The following SYNC variants were observed in gnomAD, a reference collection of about 807,000 sequenced individuals.
SYNC encodes the protein syncoilin.
Under a neutral mutation model 49.5 loss-of-function variants are expected in SYNC, and 38 were observed. That is an observed-to-expected ratio of 0.77 (90% CI 0.59 to 1.01). SYNC has a LOEUF of 1.01. SYNC is among the 50% of genes least tolerant of loss of function. The probability of loss-of-function intolerance (pLI) is 0.00; values close to 1 mark genes in which losing one functional copy is unlikely to be tolerated. For missense variants in SYNC, 579 were observed against 580.6 expected (o/e 1.00, Z 0.03); for synonymous variants, 201 against 230.8 (o/e 0.87, Z 1.17).
In SYNC at chr1:32,684,364, C is replaced by G; in HGVS notation, c.1252G>C (p.Glu418Gln). ...QQYREQLEEM[E>Q]ERQRQLRNGV... ...TTTCTTAACTGCCTCTGGCGTTCTT[C>G]CATTTCCTCCAGCTGTTCCTGCATG... Residue 418 changes from glutamate to glutamine, a missense_variant, in exon 3 of 5, where the codon GAA becomes CAA. Physicochemically the swap from Glu to Gln is conservative, Grantham distance 29. Coordinates refer to ENST00000409190, the MANE Select transcript of SYNC (RefSeq NM_030786.3). The G allele has an allele frequency of 6.2e-7, 1 of 1,614,164 alleles. No individual in the cohort carries two copies. Among genetic ancestry groups the G allele is most frequent in the Non-Finnish European group, 8.5e-7 (1 of 1,180,042 alleles).
rs1178939457 is a variant in SYNC at position 32,695,600 on chromosome 1, G to A, written c.498C>T (p.Asn166=). The A allele has an allele frequency of 1.1e-5, 17 of 1,551,328 alleles. No individual in the cohort carries two copies. Among genetic ancestry groups the A allele is most frequent in the Non-Finnish European group, 1.5e-5 (17 of 1,146,968 alleles). ...RAEQSPSMEE[N]LSIEDLELLE... ...GCAATTCCAGGTCCTCTATGCTCAGGTTCTCCTCCATGCTGGGGCTCTGCT... is the reference window on the plus strand; with the variant it reads ...GCAATTCCAGGTCCTCTATGCTCAGATTCTCCTCCATGCTGGGGCTCTGCT... Residue 166 remains asparagine (N), a synonymous_variant, in exon 2 of 5, where the codon AAC becomes AAT. Coordinates refer to ENST00000409190, the MANE Select transcript of SYNC (RefSeq NM_030786.3).
chr1:32,684,534 AAAG>A (rs1440484804), intron 2 of SYNC, 152 bp from the exon 3 acceptor site: 3 of 1,162,772 alleles, frequency 2.6e-6, no homozygotes, highest in Non-Finnish European at 3.5e-6. Flanking sequence ...AAACAGGTTC[AAAG>A]AAGTTGTGTC....
At chr1:32,686,500 C>G (rs1034777769) in intron 2 of SYNC, among the ~76,000 whole-genome samples, 2 of 152,216 alleles carry the variant, frequency 1.3e-5, no homozygotes, top group East Asian at 3.8e-4. Context: ...AGAAAGGATA[C>G]ATTCCCCAAC....
chr1:32,692,036 T>C (rs1353570433), intron 2 of SYNC, among the ~76,000 whole-genome samples: 1 of 151,980 alleles, frequency 6.6e-6, no homozygotes, highest in Non-Finnish European at 1.5e-5. Flanking sequence ...ATGGAGACCA[T>C]CCTGGCTAAC....
chr1:32,690,152 G>A (rs966857223), intron 2 of SYNC, among the ~76,000 whole-genome samples: 5 of 152,112 alleles, frequency 3.3e-5, no homozygotes, highest in Non-Finnish European at 7.4e-5. Flanking sequence ...GCTGAGGCAG[G>A]AAGACCAAGA....
At chr1:32,692,376 C>A (rs1431224982) in intron 2 of SYNC, among the ~76,000 whole-genome samples, 1 of 152,134 alleles carries the variant, frequency 6.6e-6, no homozygotes, top group Non-Finnish European at 1.5e-5. Context: ...AGTATTGATG[C>A]TAAATAAATG....
chr1:32,694,713 G>T (rs1650321228), intron 2 of SYNC, 152 bp downstream of exon 2: 7 of 725,386 alleles, frequency 9.7e-6, no homozygotes, highest in Admixed American at 7.2e-5. Flanking sequence ...GGGCCTGAAT[G>T]AATGAAGAAT....
At chr1:32,682,318 G>C (rs1212183005) in intron 4 of SYNC, 1 of 157,176 alleles carries the variant, frequency 6.4e-6, no homozygotes, top group African/African-American at 2.4e-5. Context: ...CTACTTAGCA[G>C]GCTGAGGCAG....
intron 2 of SYNC, among the ~76,000 whole-genome samples, chr1:32,692,279 C>T (rs1650204926): frequency 6.6e-6 from 1 of 152,106 alleles, no homozygotes; most frequent in African/African-American, 2.4e-5. Context: ...GCCCTTTTAC[C>T]TGCACCTCTC....
chr1:32,684,207 C>T (rs764912299), intron 3 of SYNC, 51 bp downstream of exon 3: 4 of 1,609,558 alleles, frequency 2.5e-6, no homozygotes, highest in Non-Finnish European at 3.4e-6. Context: ...AGCCCTCCCA[C>T]CATCCCCTCA....
At chr1:32,701,541 G>C (rs917930971) in intron 1 of SYNC, among the ~76,000 whole-genome samples, 1 of 152,170 alleles carries the variant, frequency 6.6e-6, no homozygotes, top group Admixed American at 6.5e-5. Flanking sequence ...GTAAAACCCA[G>C]GCCTCCTGAC....
At chr1:32,690,841 C>G (rs1650124661) in intron 2 of SYNC, among the ~76,000 whole-genome samples, 1 of 151,818 alleles carries the variant, frequency 6.6e-6, no homozygotes, top group South Asian at 2.1e-4. Flanking sequence ...AATCCCAGCA[C>G]TTTGGGAGGC....
At position 32,695,006 on chromosome 1, in the gene SYNC, G is replaced by C. The variant is rs1451425782; in HGVS notation, c.1092C>G (p.Thr364=). The C allele has an allele frequency of 3.7e-6, 6 of 1,613,910 alleles. No individual in the cohort carries two copies. Among genetic ancestry groups the C allele is most frequent in the Non-Finnish European group, 8.5e-7 (1 of 1,180,020 alleles). The change falls in exon 2 of 5, where the codon ACC becomes ACG. Residue 364 remains threonine (T), a synonymous_variant. Coordinates refer to ENST00000409190, the MANE Select transcript of SYNC (RefSeq NM_030786.3). ...CCTTCATTTCCTGGATCTCAGCCTG[G>C]GTTCTCTGCAGAGCTTTGGTCCCAG... is the stretch of plus-strand genomic sequence containing the variant. ...KEAGTKALQR[T]QAEIQEMKEA...
chr1:32,695,190 C>T lies in SYNC; in HGVS notation c.908G>A (p.Arg303Gln), dbSNP rs751205995. ...DAYQKQKEQLRQQLEAPPSQR... is the reference protein window; with the variant it reads ...DAYQKQKEQLQQQLEAPPSQR... The stretch of plus-strand genomic sequence containing the variant: ...GCTTGGAGGGGCTTCTAGTTGTTGC[C>T]GCAGCTGCTCCTTCTGCTTCTGATA... Residue 303 changes from arginine to glutamine, a missense_variant, in exon 2 of 5, where the codon CGG becomes CAG. By Grantham distance (43) the Arg-to-Gln change is conservative (BLOSUM62 1). Transcript: ENST00000409190. 67 of 1,563,582 alleles carry T rather than the reference C, an allele frequency of 4.3e-5. No individual in the cohort carries two copies. The highest frequency in any genetic ancestry group is 2.7e-4 in the South Asian group (23 of 86,316).
chr1:32,687,839 T>TATC (rs1649944229), intron 2 of SYNC, among the ~76,000 whole-genome samples: 2 of 26,532 alleles, frequency 7.5e-5, no homozygotes, highest in Non-Finnish European at 5.9e-4. Flanking sequence ...AGTGAATTAT[T>TATC]ATTATTATTA....
chr1:32,693,068 T>TG (rs1410713673), intron 2 of SYNC, among the ~76,000 whole-genome samples: 2 of 139,154 alleles, frequency 1.4e-5, no homozygotes, highest in Admixed American at 1.5e-4. Flanking sequence ...ACCACAGTGT[T>TG]TTTTTTTTGT....
intron 2 of SYNC, among the ~76,000 whole-genome samples, chr1:32,690,923 CTA>C (rs1452507637): frequency 1.3e-5 from 2 of 151,366 alleles, no homozygotes; most frequent in African/African-American, 4.9e-5. Context: ...CCCGTCCCTA[CTA>C]TACAAACAAT....
chr1:32,687,670 C>CAAA (rs58420507), intron 2 of SYNC, among the ~76,000 whole-genome samples: 10 of 141,796 alleles, frequency 7.1e-5, no homozygotes, highest in Admixed American at 3.5e-4. Context: ...GGCTCCGTCT[C>CAAA]AAAAAAAAAA....
chr1:32,694,946 C>T lies in SYNC; in HGVS notation c.1152G>A (p.Gln384=). The T allele has an allele frequency of 6.2e-7, 1 of 1,613,900 alleles. No homozygotes were observed. The highest frequency in any genetic ancestry group is 8.5e-7 in the Non-Finnish European group (1 of 1,180,002). The change falls in exon 2 of 5, where the codon CAG becomes CAA. Residue 384 remains glutamine (Q), a synonymous_variant. Coordinates refer to ENST00000409190, the MANE Select transcript of SYNC (RefSeq NM_030786.3). The stretch of plus-strand genomic sequence containing the variant: ...CCAGGTTCCTGTTTTGCAGGCGGAG[C>T]TGCCGGGCCTCTGCTTGCAGGGGTC... ...ALRPLQAEAR[Q]LRLQNRNLED...
Sources: gnomAD v4.1 joint callset for allele counts (sites outside exome capture counted in the v4.1 genomes callset) on GRCh38, gnomAD v4.1.1 for gene constraint, MANE v1.5 for transcripts, NCBI Gene and HGNC (gene_info 2026-07-23, HGNC 2026-07-21) for gene names.